Variants in WDR45B observed in about 807,000 individuals in gnomAD.
WDR45B encodes WD repeat domain 45B.
WDR45B carries 20 observed loss-of-function variants against 44.6 expected under a neutral mutation model. That is an observed-to-expected ratio of 0.45 (90% CI 0.32 to 0.65). WDR45B has a LOEUF of 0.65. WDR45B is among the 30% of genes least tolerant of loss of function. The probability of loss-of-function intolerance (pLI) is 0.05; values close to 1 mark genes in which losing one functional copy is unlikely to be tolerated. For missense variants in WDR45B, 323 were observed against 430.2 expected, an observed-to-expected ratio of 0.75 and a Z score of 2.20; for synonymous variants, 169 against 164.9, an observed-to-expected ratio of 1.02 and a Z score of -0.19.
intron 2 of WDR45B, among the ~76,000 whole-genome samples, chr17:82,638,196 G>T (rs1568014098): frequency 1.1e-5 from 1 of 93,294 alleles, no homozygotes; most frequent in Non-Finnish European, 2.0e-5. Context: ...GGAGGCGAGG[G>T]AAAGGGAGGG....
intron 6 of WDR45B, among the ~76,000 whole-genome samples, chr17:82,619,980 G>A (rs771895732): frequency 3.3e-5 from 5 of 152,194 alleles, no homozygotes; most frequent in Non-Finnish European, 5.9e-5. Flanking sequence ...CATTTGTAAC[G>A]GGGATTCTAT....
chr17:82,627,680 G>C (rs544715700), intron 3 of WDR45B, among the ~76,000 whole-genome samples: 1 of 151,626 alleles, frequency 6.6e-6, no homozygotes, highest in East Asian at 1.9e-4. Flanking sequence ...CTCCCCGTCC[G>C]TTCCTCTCTC....
At chr17:82,639,080 T>C (rs7501519) in intron 2 of WDR45B, among the ~76,000 whole-genome samples, 125,205 of 151,934 alleles carry the variant, frequency 0.82, 52,003 homozygotes, top group African/African-American at 0.91. Flanking sequence ...CTCGGCCTCC[T>C]AAAGTGCTGG....
intron 2 of WDR45B, 27 bp from the exon 3 acceptor site, chr17:82,631,049 A>C (rs1419139955): frequency 1.9e-6 from 3 of 1,587,912 alleles, no homozygotes; most frequent in East Asian, 2.2e-5. Flanking sequence ...AAAAAGACCA[A>C]TGTTACAAGT....
chr17:82,616,491 G>C, intron 9 of WDR45B, 33 bp downstream of exon 9: 1 of 1,612,774 alleles, frequency 6.2e-7, no homozygotes, highest in Admixed American at 1.7e-5. Context: ...GGTGGGGCGG[G>C]TGGGGACGTT....
At chr17:82,633,722 A>G (rs9912746) in intron 2 of WDR45B, among the ~76,000 whole-genome samples, 68,121 of 151,938 alleles carry the variant, frequency 0.45, 15,394 homozygotes, top group East Asian at 0.54. Context: ...TCAAAAAATT[A>G]AAAAGAGGCT....
In WDR45B at chr17:82,621,811, C is replaced by G. The variant is rs758041485; in HGVS notation, c.428-12G>C. ...AAGGACACAGAGGCCTGCGTGGAGA[C>G]AGAGGACACCAATCAAGAACTGCCT... On this transcript the variant is annotated splice_polypyrimidine_tract_variant and intron_variant, in intron 5 of 9. Coordinates refer to ENST00000392325, the MANE Select transcript of WDR45B (RefSeq NM_019613.4). 1.9e-6 allele frequency: 3 copies of G among 1,613,686 alleles called. No individual in the cohort carries two copies. The highest frequency in any genetic ancestry group is 2.7e-5 in the African/African-American group (2 of 74,904).
chr17:82,624,476 G>A (rs2045665149), intron 5 of WDR45B, among the ~76,000 whole-genome samples: 1 of 152,182 alleles, frequency 6.6e-6, no homozygotes, highest in African/African-American at 2.4e-5. Flanking sequence ...TGACCAGGAT[G>A]CTCTCTATCT....
intron 2 of WDR45B, among the ~76,000 whole-genome samples, chr17:82,642,756 C>T (rs532198254): frequency 8.7e-4 from 132 of 152,168 alleles, no homozygotes; most frequent in Non-Finnish European, 1.5e-3. Flanking sequence ...TCACAGAAGT[C>T]TTCTGTGCTG....
Position 82,616,759 on chromosome 17 carries a change from CT to C in WDR45B, c.807-115del. The C allele has an allele frequency of 2.2e-6, 3 of 1,379,400 alleles. No individual in the cohort carries two copies. In the East Asian group the frequency reaches 7.0e-5, roughly 32 times the overall value. 85.4% of individuals were successfully genotyped at this position (1,379,400 alleles called of 1,614,324 possible). On this transcript the variant is annotated intron_variant, in intron 8 of 9. Coordinates refer to ENST00000392325, the MANE Select transcript of WDR45B (RefSeq NM_019613.4). ...AAAATGCTCCTTCATATGGTTTGAG[CT>C]TTAATGAATTTTTTTTTTGCCATGC...
intron 3 of WDR45B, chr17:82,630,056 CTT>C (rs1360575955): frequency 1.2e-5 from 11 of 907,014 alleles, no homozygotes; most frequent in Middle Eastern, 5.7e-4. Flanking sequence ...AACCAGATGG[CTT>C]TTCTCAGGCC....
chr17:82,644,036 T>C lies in WDR45B; in HGVS notation c.68-13A>G, dbSNP rs1047884722. 5 of 1,613,798 alleles carry C rather than the reference T, an allele frequency of 3.1e-6. No individual in the cohort carries two copies. Among genetic ancestry groups the C allele is most frequent in the East Asian group, 4.5e-5 (2 of 44,880 alleles). On this transcript the variant is annotated splice_polypyrimidine_tract_variant and intron_variant, in intron 1 of 9. Coordinates refer to ENST00000392325, the MANE Select transcript of WDR45B (RefSeq NM_019613.4). ...CACGCAAAGCATCCTAAAGCAGAAGTGTAAAAGAGACATTAATCCCCAGGC... is the reference window on the plus strand; with the variant it reads ...CACGCAAAGCATCCTAAAGCAGAAGCGTAAAAGAGACATTAATCCCCAGGC...
At chr17:82,617,491 C>G (rs1035828486) in intron 7 of WDR45B, 94 bp from the exon 8 acceptor site, 3 of 1,240,488 alleles carry the variant, frequency 2.4e-6, no homozygotes, top group African/African-American at 1.5e-5. Flanking sequence ...TGGAACACCT[C>G]AACATTCCCA....
chr17:82,630,859 C>T lies in WDR45B; in HGVS notation c.244+62G>A. 6.2e-6 allele frequency: 9 copies of T among 1,451,660 alleles called. No homozygotes were observed. In the South Asian group the frequency reaches 9.1e-5, roughly 15 times the overall value. The allele number at this position is 1,451,660 out of a possible 1,614,324, so 89.9% of individuals were successfully genotyped here. ...TCACACATGGCCACAAACATAAACG[C>T]ATTCAAAAAAAGACTGGGTGGGACA... On this transcript the variant is annotated intron_variant, in intron 3 of 9. Transcript: ENST00000392325.
At position 82,616,592 on chromosome 17, in the gene WDR45B, G is replaced by A. The variant is rs777784850; in HGVS notation, c.860C>T (p.Ser287Phe). 2.5e-6 allele frequency: 4 copies of A among 1,614,096 alleles called. No homozygotes were observed. ...PKYFSSKWSF[S>F]KFQVPSGSPC... ...AGAGCCTGAGGGAACCTGAAACTTG[G>A]AGAAACTCCACTTGGAACTGAAGTA... Residue 287 changes from serine (S) to phenylalanine (F), a missense_variant, in exon 9 of 10, where the codon TCC becomes TTC. Coordinates refer to ENST00000392325, the MANE Select transcript of WDR45B (RefSeq NM_019613.4).
chr17:82,616,438 C>G (rs867817605), intron 9 of WDR45B, 86 bp downstream of exon 9: 1 of 1,604,252 alleles, frequency 6.2e-7, no homozygotes, highest in Non-Finnish European at 8.5e-7. Context: ...GGTGCTGGGA[C>G]GTCCATGGGA....
rs923860244 is a variant in WDR45B at position 82,620,223 on chromosome 17, C to T, written c.619-1095G>A. Among the ~76,000 whole-genome samples the T allele has an allele frequency of 7.9e-5, 12 of 152,266 alleles. No homozygotes were observed. The East Asian group carries it at 2.1e-3, about 27-fold the overall frequency. On this transcript the variant is annotated intron_variant, in intron 6 of 9. Transcript: ENST00000392325. ...CTGAGGCGGGTGGATCACCTGAGGT[C>T]GGGAGTTCCAAGCCAGCCTGACCAA...
chr17:82,624,469 C>G (rs1386498323), intron 5 of WDR45B, among the ~76,000 whole-genome samples: 1 of 152,096 alleles, frequency 6.6e-6, no homozygotes, highest in East Asian at 1.9e-4. Flanking sequence ...ACCACGTTGA[C>G]CAGGATGCTC....
chr17:82,636,244 G>C (rs1318915703), intron 2 of WDR45B, among the ~76,000 whole-genome samples: 2 of 123,278 alleles, frequency 1.6e-5, no homozygotes, highest in African/African-American at 3.3e-5. Flanking sequence ...CTGGGTGACA[G>C]AGCAAGACTC....
Sources: gnomAD v4.1 joint callset for allele counts (sites outside exome capture counted in the v4.1 genomes callset) on GRCh38, gnomAD v4.1.1 for gene constraint, MANE v1.5 for transcripts, NCBI Gene and HGNC (gene_info 2026-07-23, HGNC 2026-07-21) for gene names.